STEAP3: variants seen among roughly 807,000 people sequenced by gnomAD.
STEAP3 encodes metalloreductase STEAP3.
STEAP3 carries 35 observed loss-of-function variants against 34.9 expected under a neutral mutation model. The ratio of observed to expected loss-of-function variants is 1.00; its 90% confidence interval spans 0.76 to 1.33. The LOEUF (loss-of-function observed/expected upper bound fraction) is 1.33. Ranked by LOEUF, STEAP3 falls within the 40% of genes most tolerant of loss-of-function variation. The pLI, the probability that STEAP3 is intolerant of heterozygous loss-of-function variation, is 0.00. For missense variants in STEAP3, 652 were observed against 667.6 expected (o/e 0.98, Z 0.26); for synonymous variants, 281 against 301.6 (o/e 0.93, Z 0.71).
rs569419558 is a variant in STEAP3 at position 119,265,339 on chromosome 2, G to T, written c.*2001G>T. 5 of 152,374 alleles carry T rather than the reference G, an allele frequency of 3.3e-5. No homozygotes were observed. Among genetic ancestry groups the T allele is most frequent in the African/African-American group, 1.2e-4 (5 of 41,560 alleles). The allele number at this position is 152,374 out of a possible 1,614,324, so 9.4% of individuals were successfully genotyped here. The stretch of plus-strand genomic sequence containing the variant: ...TAAGGTGGGTGGCAGGAGGGAACAG[G>T]TGCCACCTGCTGGACAATCACACGA... On this transcript the variant is annotated 3_prime_UTR_variant, in exon 6 of 6. Coordinates refer to ENST00000393110, the MANE Select transcript of STEAP3 (RefSeq NM_182915.3).
Position 119,230,606 on chromosome 2 carries a change from T to C in STEAP3, c.-393-14T>C, listed in dbSNP as rs2104791044. 1 of 231,110 alleles carries C rather than the reference T, an allele frequency of 4.3e-6. No homozygotes were observed. Among genetic ancestry groups the C allele is most frequent in the East Asian group, 8.8e-5 (1 of 11,408 alleles). The allele number at this position is 231,110 out of a possible 1,614,324, so 14.3% of individuals were successfully genotyped here. A position where few individuals can be genotyped will look rare whatever the true frequency, so the allele number is the denominator to read the frequency against. On this transcript the variant is annotated splice_polypyrimidine_tract_variant and intron_variant, in intron 1 of 5. Transcript: ENST00000393110. ...CCTTTCTCTCTCTCGCTCACGTGTG[T>C]GTGCGCGCGTTAGATGACATTTATT...
At chr2:119,227,457 C>T (rs1254719659) in intron 1 of STEAP3, among the ~76,000 whole-genome samples, 1 of 152,170 alleles carries the variant, frequency 6.6e-6, no homozygotes, top group African/African-American at 2.4e-5. Context: ...TCAACTCTTC[C>T]CAGTCAGTCT....
chr2:119,239,804 G>T (rs900224890), intron 2 of STEAP3, among the ~76,000 whole-genome samples: 2 of 152,192 alleles, frequency 1.3e-5, no homozygotes, highest in Non-Finnish European at 2.9e-5. Flanking sequence ...TCCAGGGTGT[G>T]TGTGCACTTC....
chr2:119,255,850 C>T (rs1348672967), intron 5 of STEAP3, among the ~76,000 whole-genome samples: 1 of 152,168 alleles, frequency 6.6e-6, no homozygotes, highest in East Asian at 1.9e-4. Context: ...TGAGCACTTA[C>T]TGCAGGCCAG....
intron 1 of STEAP3, among the ~76,000 whole-genome samples, chr2:119,227,000 G>A (rs1679061054): frequency 6.6e-6 from 1 of 152,124 alleles, no homozygotes. Context: ...TGCCTCATCG[G>A]TTATTCATTC....
At chr2:119,257,780 A>T in intron 5 of STEAP3, 1 of 1,281,348 alleles carries the variant, frequency 7.8e-7, no homozygotes, top group Non-Finnish European at 9.9e-7. Context: ...TCCACAGCAG[A>T]CACCAGGCTA....
At chr2:119,234,496 G>A (rs992633921) in intron 2 of STEAP3, among the ~76,000 whole-genome samples, 8 of 152,172 alleles carry the variant, frequency 5.3e-5, no homozygotes, top group East Asian at 3.9e-4. Flanking sequence ...GCTCCATAGC[G>A]CCCGGTCATC....
chr2:119,253,123 G>C (rs1211762982), intron 4 of STEAP3, among the ~76,000 whole-genome samples: 1 of 152,172 alleles, frequency 6.6e-6, no homozygotes, highest in Non-Finnish European at 1.5e-5. Flanking sequence ...AACCACAGCA[G>C]GCACATAAGC....
At chr2:119,224,918 G>A (rs538709889) in intron 1 of STEAP3, among the ~76,000 whole-genome samples, 9 of 152,300 alleles carry the variant, frequency 5.9e-5, no homozygotes, top group South Asian at 2.1e-4. Flanking sequence ...GAGAGTCCAC[G>A]TATTTTGCAA....
chr2:119,262,034 T>C (rs6723169), intron 5 of STEAP3, among the ~76,000 whole-genome samples: 65,414 of 151,790 alleles, frequency 0.43, 14,810 homozygotes, highest in Non-Finnish European at 0.53. Flanking sequence ...CAGTGTGGGG[T>C]GGGAGGTGAA....
At chr2:119,227,293 G>A (rs1331754090) in intron 1 of STEAP3, among the ~76,000 whole-genome samples, 1 of 152,216 alleles carries the variant, frequency 6.6e-6, no homozygotes, top group African/African-American at 2.4e-5. Context: ...GCGACTGCTT[G>A]TGGATCACAA....
At chr2:119,249,724 G>T (rs1334762039) in intron 4 of STEAP3, among the ~76,000 whole-genome samples, 1 of 152,180 alleles carries the variant, frequency 6.6e-6, no homozygotes, top group Non-Finnish European at 1.5e-5. Flanking sequence ...CACTGTCAGG[G>T]TTGCTGCTTC....
intron 5 of STEAP3, 68 bp from the exon 6 acceptor site, chr2:119,262,989 A>G: frequency 6.4e-7 from 1 of 1,570,336 alleles, no homozygotes; most frequent in Non-Finnish European, 8.6e-7. Flanking sequence ...CCAGCAGATG[A>G]GTCGTTGGCA....
At chr2:119,254,291 G>T (rs1452759728) in intron 4 of STEAP3, among the ~76,000 whole-genome samples, 1 of 152,032 alleles carries the variant, frequency 6.6e-6, no homozygotes, top group African/African-American at 2.4e-5. Flanking sequence ...CTGTATTTCT[G>T]GTTGACTCCT....
chr2:119,254,709 G>A lies in STEAP3; in HGVS notation c.1076G>A (p.Trp359Ter). Residue 359 changes from tryptophan to a stop codon, truncating the protein, a stop_gained, in exon 5 of 6, where the codon TGG (tryptophan) becomes TAG (stop). Coordinates refer to ENST00000393110, the MANE Select transcript of STEAP3 (RefSeq NM_182915.3). LOFTEE classifies it high-confidence loss of function. ...GTCTTGGCCAACAAGAGCCACCTCT[G>A]GGTGGAGGAGGAGGTCTGGCGGATG... ...KQVLANKSHL[W>*]VEEEVWRMEI... 6.2e-7 allele frequency: 1 copy of A among 1,614,146 alleles called. No homozygotes were observed. Among genetic ancestry groups the A allele is most frequent in the Non-Finnish European group, 8.5e-7 (1 of 1,180,028 alleles).
At chr2:119,227,653 T>C (rs780504307) in intron 1 of STEAP3, among the ~76,000 whole-genome samples, 1 of 152,128 alleles carries the variant, frequency 6.6e-6, no homozygotes, top group Non-Finnish European at 1.5e-5. Flanking sequence ...CCCAAGATTA[T>C]AAAGCCGACT....
At chr2:119,225,187 G>T (rs1280857818) in intron 1 of STEAP3, among the ~76,000 whole-genome samples, 2 of 152,326 alleles carry the variant, frequency 1.3e-5, no homozygotes, top group East Asian at 3.9e-4. Context: ...TCAGCTAGGG[G>T]CACCTGGAGG....
At chr2:119,238,977 CG>C (rs1421014094) in intron 2 of STEAP3, among the ~76,000 whole-genome samples, 1 of 151,910 alleles carries the variant, frequency 6.6e-6, no homozygotes, top group Non-Finnish European at 1.5e-5. Flanking sequence ...GAAGTGGGGG[CG>C]GGGGGTGGAC....
At chr2:119,237,980 C>G (rs1344174200) in intron 2 of STEAP3, among the ~76,000 whole-genome samples, 1 of 152,142 alleles carries the variant, frequency 6.6e-6, no homozygotes, top group Non-Finnish European at 1.5e-5. Context: ...CAAGGTTCAC[C>G]CCTGTTGGAT....
Sources: gnomAD v4.1 joint callset for allele counts (sites outside exome capture counted in the v4.1 genomes callset) on GRCh38, gnomAD v4.1.1 for gene constraint, MANE v1.5 for transcripts, NCBI Gene and HGNC (gene_info 2026-07-23, HGNC 2026-07-21) for gene names.